SCUBE3: variants seen among roughly 807,000 people sequenced by gnomAD.
The protein encoded by SCUBE3 is signal peptide, CUB and EGF-like domain-containing protein 3.
In SCUBE3, 33 loss-of-function variants were observed where a neutral mutation model predicts 116.8. The ratio of observed to expected loss-of-function variants is 0.28; its 90% CI spans 0.21 to 0.38. The LOEUF (loss-of-function observed/expected upper bound fraction) is 0.38, where lower values mean the gene tolerates loss of function less well. Ranked by LOEUF, SCUBE3 falls within the 10% of genes least tolerant of loss-of-function variation. SCUBE3 has a pLI of 1.00. For synonymous variants in SCUBE3, 418 were observed against 496.9 expected (o/e 0.84, Z 2.11); for missense variants, 1,007 against 1,324.8 (o/e 0.76, Z 3.72).
chr6:35,241,357 AG>A lies in SCUBE3; in HGVS notation c.1195+93del. On this transcript the variant is annotated intron_variant, in intron 10 of 21. Coordinates refer to ENST00000274938, the MANE Select transcript of SCUBE3 (RefSeq NM_152753.4). The surrounding 1 kb of genome is among the most constrained non-coding windows in gnomAD (Gnocchi z 4.1). ...AAGCATAGAGTATCACATTGGGGAA[AG>A]GTGTGAGGTGGAAAGGGTGGAGAAT... The A allele has an allele frequency of 2.8e-6, 4 of 1,406,250 alleles. No homozygotes were observed. The highest frequency in any genetic ancestry group is 3.9e-6 in the Non-Finnish European group (4 of 1,018,062). 87.1% of individuals were successfully genotyped at this position (1,406,250 alleles called of 1,614,324 possible). A position where few individuals can be genotyped will look rare whatever the true frequency, so the allele number is the denominator to read the frequency against.
At position 35,241,451 on chromosome 6, in the gene SCUBE3, A is replaced by G; in HGVS notation, c.1196-92A>G. 8.8e-7 allele frequency: 1 copy of G among 1,142,088 alleles called. No homozygotes were observed. Among genetic ancestry groups the G allele is most frequent in the Non-Finnish European group, 1.3e-6 (1 of 755,364 alleles). The allele number at this position is 1,142,088 out of a possible 1,614,324, so 70.7% of individuals were successfully genotyped here. On this transcript the variant is annotated intron_variant, in intron 10 of 21. Coordinates refer to ENST00000274938, the MANE Select transcript of SCUBE3 (RefSeq NM_152753.4). This position sits in a 1 kb window ranked among gnomAD's most constrained non-coding sequence, Gnocchi z 4.1. ...TCCCATCATCAGTCTCCATGGGTAC[A>G]ACAATAGTTATGCAAGTAGCTGATT...
Position 35,231,808 on chromosome 6 carries a change from G to C in SCUBE3, c.418G>C (p.Glu140Gln). 1 of 1,613,762 alleles carries C rather than the reference G, an allele frequency of 6.2e-7. No individual in the cohort carries two copies. Among genetic ancestry groups the C allele is most frequent in the Non-Finnish European group, 8.5e-7 (1 of 1,179,758 alleles). Residue 140 changes from glutamate (E) to glutamine (Q), a missense_variant, in exon 4 of 22, where the codon GAA becomes CAA. This residue lies in a region of SCUBE3 where 214 missense variants were observed against 316.7 expected (regional missense o/e 0.68). Coordinates refer to ENST00000274938, the MANE Select transcript of SCUBE3 (RefSeq NM_152753.4). The surrounding 1 kb of genome is among the most constrained non-coding windows in gnomAD (Gnocchi z 4.2). ...MMGSYECHCR[E>Q]GFFLSDNQHT... ...GGGCAGCTATGAGTGCCACTGCCGG[G>C]AAGGCTTCTTCCTCAGCGACAACCA...
Position 35,233,103 on chromosome 6 carries a change from A to G in SCUBE3, c.596-82A>G. 4.1e-6 allele frequency: 6 copies of G among 1,477,858 alleles called. No individual in the cohort carries two copies. Among genetic ancestry groups the G allele is most frequent in the Non-Finnish European group, 5.6e-6 (6 of 1,063,696 alleles). 91.5% of individuals were successfully genotyped at this position (1,477,858 alleles called of 1,614,324 possible). A position where few individuals can be genotyped will look rare whatever the true frequency, so the allele number is the denominator to read the frequency against. ...GGGAGTATGGGGGAGGCAACTAGGC[A>G]AGGGGGCCAGTACCCACATTGTGGA... On this transcript the variant is annotated intron_variant, in intron 5 of 21. Transcript: ENST00000274938. The surrounding 1 kb of genome is among the most constrained non-coding windows in gnomAD (Gnocchi z 5.7).
At chr6:35,236,830 T>C (rs1388338304) in intron 6 of SCUBE3, among the ~76,000 whole-genome samples, 1 of 152,250 alleles carries the variant, frequency 6.6e-6, no homozygotes, top group Non-Finnish European at 1.5e-5. Context: ...GGGAGAATTC[T>C]AGTCACCCCA....
intron 7 of SCUBE3, among the ~76,000 whole-genome samples, chr6:35,238,936 AG>A (rs1355581269): frequency 1.3e-5 from 2 of 152,070 alleles, no homozygotes; most frequent in Non-Finnish European, 2.9e-5. Context: ...CAGAGTTGAG[AG>A]GTTTCCTGCT....
chr6:35,215,629 G>A (rs1782855855), intron 1 of SCUBE3, among the ~76,000 whole-genome samples: 1 of 152,186 alleles, frequency 6.6e-6, no homozygotes. Context: ...AGGTCGCTGT[G>A]TCCCAGAGCC....
Position 35,232,112 on chromosome 6 carries a change from C to T in SCUBE3, c.469+253C>T, listed in dbSNP as rs1478039237. On this transcript the variant is annotated intron_variant, in intron 4 of 21. Coordinates refer to ENST00000274938, the MANE Select transcript of SCUBE3 (RefSeq NM_152753.4). The surrounding 1 kb of genome is among the most constrained non-coding windows in gnomAD (Gnocchi z 4.2). The stretch of plus-strand genomic sequence containing the variant: ...CTATGGAGTATCCTCTGTGTCCAGA[C>T]CTGAGGTGGATGTTGTCCCTAATTG... Among the ~76,000 whole-genome samples the T allele has an allele frequency of 6.6e-6, 1 of 152,166 alleles. No homozygotes were observed. The highest frequency in any genetic ancestry group is 1.9e-4 in the East Asian group (1 of 5,194).
rs985418388 is a variant in SCUBE3, at chr6:35,233,086, G to A, written c.596-99G>A. ...CAGGGCTGGGAGGAAAAGGGAGTAT[G>A]GGGGAGGCAACTAGGCAAGGGGGCC... On this transcript the variant is annotated intron_variant, in intron 5 of 21. Coordinates refer to ENST00000274938, the MANE Select transcript of SCUBE3 (RefSeq NM_152753.4). The surrounding 1 kb of genome is among the most constrained non-coding windows in gnomAD (Gnocchi z 5.7). 2.1e-5 allele frequency: 31 copies of A among 1,504,700 alleles called. No individual in the cohort carries two copies. The highest frequency in any genetic ancestry group is 6.8e-5 in the Admixed American group (4 of 58,748). The allele number at this position is 1,504,700 out of a possible 1,614,324, so 93.2% of individuals were successfully genotyped here. A position where few individuals can be genotyped will look rare whatever the true frequency, so the allele number is the denominator to read the frequency against.
Position 35,243,168 on chromosome 6 carries a change from T to C in SCUBE3, c.1841T>C (p.Val614Ala), listed in dbSNP as rs1164875401. Residue 614 changes from valine (V) to alanine (A), a missense_variant, in exon 15 of 22, where the codon GTA becomes GCA. Val to Ala is a moderately conservative substitution (Grantham distance 64). This residue lies in a region of SCUBE3 where 544 missense variants were observed against 638.9 expected (regional missense o/e 0.85). Transcript: ENST00000274938. This position sits in a 1 kb window ranked among gnomAD's most constrained non-coding sequence, Gnocchi z 6.6. ...DYELAHKPGL[V>A]AGERAEPMES... ...GAGCTGGCCCACAAGCCGGGCCTGGTAGCCGGGGAGCGAGCAGAGCCGATG... is the reference window on the plus strand; with the variant it reads ...GAGCTGGCCCACAAGCCGGGCCTGGCAGCCGGGGAGCGAGCAGAGCCGATG... 1.9e-6 allele frequency: 3 copies of C among 1,614,016 alleles called. No homozygotes were observed. Among genetic ancestry groups the C allele is most frequent in the South Asian group, 2.2e-5 (2 of 91,092 alleles).
rs1784465090 is a variant in SCUBE3 at position 35,249,142 on chromosome 6, A to T, written c.*437A>T. 1 of 160,844 alleles carries T rather than the reference A, an allele frequency of 6.2e-6. No homozygotes were observed. The highest frequency in any genetic ancestry group is 2.4e-5 in the African/African-American group (1 of 41,498). The allele number at this position is 160,844 out of a possible 1,614,324, so 10.0% of individuals were successfully genotyped here. On this transcript the variant is annotated 3_prime_UTR_variant, in exon 22 of 22. Coordinates refer to ENST00000274938, the MANE Select transcript of SCUBE3 (RefSeq NM_152753.4). ...GTTGTGCCTTGCTAGTCAGGGGCCA[A>T]AATGTCCCCTGGCTCTGCTCCCTAG...
rs559821971 is a variant in SCUBE3, at chr6:35,225,561, C to G, written c.86-2019C>G. Reference sequence around the variant, plus strand: ...GAGCGAGGTGGAGAGTAAGTGTAGACAGAGGCTCCCAGCACTTAGAATCAA... The same window carrying G: ...GAGCGAGGTGGAGAGTAAGTGTAGAGAGAGGCTCCCAGCACTTAGAATCAA... On this transcript the variant is annotated intron_variant, in intron 1 of 21. Coordinates refer to ENST00000274938, the MANE Select transcript of SCUBE3 (RefSeq NM_152753.4). Among the ~76,000 whole-genome samples, 11 of 152,240 alleles carry G rather than the reference C, an allele frequency of 7.2e-5. No individual in the cohort carries two copies. The South Asian group carries it at 2.3e-3, about 32-fold the overall frequency.
At chr6:35,229,567 C>A (rs947613771) in intron 3 of SCUBE3, among the ~76,000 whole-genome samples, 3 of 152,080 alleles carry the variant, frequency 2.0e-5, no homozygotes, top group Non-Finnish European at 2.9e-5. Context: ...CATCCCTATG[C>A]CCCAGGAAGC....
In SCUBE3 at chr6:35,243,333, TTA is replaced by T; in HGVS notation, c.1909+99_1909+100del. On this transcript the variant is annotated intron_variant, in intron 15 of 21. Coordinates refer to ENST00000274938, the MANE Select transcript of SCUBE3 (RefSeq NM_152753.4). This position sits in a 1 kb window ranked among gnomAD's most constrained non-coding sequence, Gnocchi z 6.6. ...TGTGGCCTCAGATGCATTTCTCAAA[TTA>T]TGAGGCAGCCAGGATGCTCCTGCCC... The T allele has an allele frequency of 9.1e-7, 1 of 1,104,654 alleles. No homozygotes were observed. Among genetic ancestry groups the T allele is most frequent in the Non-Finnish European group, 1.3e-6 (1 of 752,004 alleles). 68.4% of individuals were successfully genotyped at this position (1,104,654 alleles called of 1,614,324 possible).
At chr6:35,246,850 G>A (rs949084351) in intron 21 of SCUBE3, among the ~76,000 whole-genome samples, 8 of 151,976 alleles carry the variant, frequency 5.3e-5, no homozygotes, top group Admixed American at 6.6e-5. Context: ...GCGGTGGCAG[G>A]CGCCTGTAAT....
chr6:35,214,515 G>T lies in SCUBE3; in HGVS notation c.85+12G>T. The T allele has an allele frequency of 6.8e-7, 1 of 1,460,032 alleles. No individual in the cohort carries two copies. The highest frequency in any genetic ancestry group is 2.9e-5 in the East Asian group (1 of 33,934). The allele number at this position is 1,460,032 out of a possible 1,614,324, so 90.4% of individuals were successfully genotyped here. ...CAAAGCCGCGCAAGGTAAGGAAGGA[G>T]GGGCGCGCGGCCTGGGGGCTGTCCT... On this transcript the variant is annotated intron_variant, in intron 1 of 21. Transcript: ENST00000274938. This position sits in a 1 kb window ranked among gnomAD's most constrained non-coding sequence, Gnocchi z 6.3.
rs1218999448 is a variant in SCUBE3 at position 35,242,204 on chromosome 6, A to G, written c.1418A>G (p.Glu473Gly). 1 of 1,608,092 alleles carries G rather than the reference A, an allele frequency of 6.2e-7. No homozygotes were observed. The highest frequency in any genetic ancestry group is 1.1e-5 in the South Asian group (1 of 90,922). ...TGCTGAGTTTCTACCATCCCTCTAG[A>G]GGCTGCAGTGCTGTCCATTAAACAA... ...GNSTNSNHCHEAAVLSIKQRA... is the reference protein window; with the variant it reads ...GNSTNSNHCHGAAVLSIKQRA... The change falls in exon 13 of 22, where the codon GAG (glutamate) becomes GGG (glycine). Residue 473 changes from glutamate (E) to glycine (G), a missense_variant and splice_region_variant. Physicochemically the swap from Glu to Gly is moderately conservative, Grantham distance 98 (BLOSUM62 -2). This residue lies in a region of SCUBE3 where 544 missense variants were observed against 638.9 expected (regional missense o/e 0.85). Transcript: ENST00000274938.
At chr6:35,220,557 AAG>A (rs1405248297) in intron 1 of SCUBE3, 5 of 152,148 alleles carry the variant, frequency 3.3e-5, no homozygotes, top group Admixed American at 6.6e-5. Flanking sequence ...TCCATACTGA[AAG>A]GGAGAAAATT....
At position 35,243,453 on chromosome 6, in the gene SCUBE3, C is replaced by A; in HGVS notation, c.1910-141C>A. ...TGCACACGGTTTTGACCCTCCTATC[C>A]CCCCAAGTAGGATTGTGTTTGTTCC... is the stretch of plus-strand genomic sequence containing the variant. On this transcript the variant is annotated intron_variant, in intron 15 of 21. Transcript: ENST00000274938. The surrounding 1 kb of genome is among the most constrained non-coding windows in gnomAD (Gnocchi z 6.6). 1.1e-6 allele frequency: 1 copy of A among 908,520 alleles called. No individual in the cohort carries two copies. Among genetic ancestry groups the A allele is most frequent in the Non-Finnish European group, 1.7e-6 (1 of 601,010 alleles). 56.3% of individuals were successfully genotyped at this position (908,520 alleles called of 1,614,324 possible).
chr6:35,246,315 A>G lies in SCUBE3; in HGVS notation c.2832+30A>G, dbSNP rs1432512120. 4 of 1,463,064 alleles carry G rather than the reference A, an allele frequency of 2.7e-6. No individual in the cohort carries two copies. In the East Asian group the frequency reaches 6.8e-5, roughly 25 times the overall value. The allele number at this position is 1,463,064 out of a possible 1,614,324, so 90.6% of individuals were successfully genotyped here. A position where few individuals can be genotyped will look rare whatever the true frequency, so the allele number is the denominator to read the frequency against. On this transcript the variant is annotated intron_variant, in intron 21 of 21. Coordinates refer to ENST00000274938, the MANE Select transcript of SCUBE3 (RefSeq NM_152753.4). ...ATGAATATTAACAATAATGATAGCT[A>G]ACATTTAATAAGCATGTAACAATAT... is the stretch of plus-strand genomic sequence containing the variant.
Sources: allele counts gnomAD v4.1 joint callset (sites outside exome capture counted in the v4.1 genomes callset), GRCh38; gene constraint gnomAD v4.1.1; regional missense constraint gnomAD v4.1.1; non-coding constraint Gnocchi (gnomAD v3.1); transcripts MANE v1.5; gene names NCBI Gene and HGNC (gene_info 2026-07-23, HGNC 2026-07-21).